GALNT7: variants seen among roughly 807,000 people sequenced by gnomAD.
GALNT7 encodes the protein polypeptide N-acetylgalactosaminyltransferase 7.
A neutral mutation model predicts 82.1 loss-of-function variants in GALNT7; 60 were observed. The observed-to-expected ratio is 0.73, with a 90% CI of 0.59 to 0.91. The LOEUF (loss-of-function observed/expected upper bound fraction) is 0.91. Ranked by LOEUF, GALNT7 falls within the 40% of genes least tolerant of loss-of-function variation. GALNT7 has a pLI of 0.00. For missense variants in GALNT7, 660 were observed against 804.2 expected, an observed-to-expected ratio of 0.82 and a Z score of 2.17; for synonymous variants, 243 against 275.1, an observed-to-expected ratio of 0.88 and a Z score of 1.15.
chr4:173,285,314 G>T (rs1346407489), intron 2 of GALNT7, among the ~76,000 whole-genome samples: 1 of 152,204 alleles, frequency 6.6e-6, no homozygotes. Context: ...CTGGTAAGTT[G>T]TTTTAATTAT....
Position 173,203,456 on chromosome 4 carries a change from A to C in GALNT7, c.126+34495A>C, listed in dbSNP as rs182345140. ...TGAGTGGAGAATTTAATCCATTTAC[A>C]TTCAAAGTAATTATTGACAGGTAAG... On this transcript the variant is annotated intron_variant, in intron 1 of 11. Coordinates refer to ENST00000265000, the MANE Select transcript of GALNT7 (RefSeq NM_017423.3). 5.6e-4 allele frequency among the ~76,000 whole-genome samples: 85 copies of C among 152,312 alleles called. 1 individual carries two copies. The highest frequency in any genetic ancestry group is 1.6e-3 in the African/African-American group (67 of 41,560).
rs200428984 is a variant in GALNT7 at position 173,232,271 on chromosome 4, TA to T, written c.127-15697del. ...CTGGTTAGGGAGACTTTCAGTCTCT[TA>T]AAAAAAAAAAATCCCTGACATATAC... On this transcript the variant is annotated intron_variant, in intron 1 of 11. Coordinates refer to ENST00000265000, the MANE Select transcript of GALNT7 (RefSeq NM_017423.3). Among the ~76,000 whole-genome samples the T allele has an allele frequency of 1.6e-3, 239 of 145,962 alleles. 3 individuals carry two copies. The highest frequency in any genetic ancestry group is 0.012 in the East Asian group (63 of 5,062).
intron 1 of GALNT7, among the ~76,000 whole-genome samples, chr4:173,233,955 G>A (rs540655660): frequency 2.6e-5 from 4 of 151,978 alleles, no homozygotes; most frequent in South Asian, 2.1e-4. Flanking sequence ...TGTTTGTATC[G>A]TTTCCACATC....
chr4:173,172,048 G>A (rs150582851), intron 1 of GALNT7, among the ~76,000 whole-genome samples: 7 of 152,350 alleles, frequency 4.6e-5, no homozygotes, highest in African/African-American at 1.7e-4. Context: ...GGCAGAGTGA[G>A]AGACCGAGGC....
intron 8 of GALNT7, among the ~76,000 whole-genome samples, chr4:173,307,442 C>T (rs188582654): frequency 1.3e-3 from 195 of 152,334 alleles, no homozygotes; most frequent in South Asian, 7.0e-3. Context: ...AGAGTTAATC[C>T]AGCTCTAGGG....
chr4:173,257,368 G>C (rs1277571482), intron 2 of GALNT7, among the ~76,000 whole-genome samples: 2 of 152,088 alleles, frequency 1.3e-5, no homozygotes, highest in Non-Finnish European at 2.9e-5. Context: ...CTTCTTGAAT[G>C]CACTTATAAA....
At chr4:173,176,417 CCCATTAG>C (rs1305511677) in intron 1 of GALNT7, among the ~76,000 whole-genome samples, 1 of 152,270 alleles carries the variant, frequency 6.6e-6, no homozygotes, top group East Asian at 1.9e-4. Context: ...ACATTTGCTG[CCCATTAG>C]CCATTATTAT....
At chr4:173,261,765 A>G (rs905844301) in intron 2 of GALNT7, among the ~76,000 whole-genome samples, 1 of 152,142 alleles carries the variant, frequency 6.6e-6, no homozygotes, top group Admixed American at 6.5e-5. Context: ...GCTGCAGTGA[A>G]CTGAGACTGT....
intron 1 of GALNT7, among the ~76,000 whole-genome samples, chr4:173,170,038 C>G (rs1180967955): frequency 6.6e-6 from 1 of 152,094 alleles, no homozygotes; most frequent in African/African-American, 2.4e-5. Flanking sequence ...TTACCCGGAG[C>G]CGCGCCGCGC....
At chr4:173,234,978 G>A (rs1259432864) in intron 1 of GALNT7, among the ~76,000 whole-genome samples, 1 of 152,196 alleles carries the variant, frequency 6.6e-6, no homozygotes, top group East Asian at 1.9e-4. Context: ...ACAGCCTGCA[G>A]AACTGTGAGC....
chr4:173,297,844 T>C, intron 5 of GALNT7: 1 of 1,484,460 alleles, frequency 6.7e-7, no homozygotes, highest in South Asian at 1.3e-5. Flanking sequence ...GAATGATTAT[T>C]CCATTGAACC....
chr4:173,291,514 A>G (rs1256478785), intron 2 of GALNT7, among the ~76,000 whole-genome samples: 1 of 152,220 alleles, frequency 6.6e-6, no homozygotes, highest in African/African-American at 2.4e-5. Flanking sequence ...CTCCTGCTAC[A>G]GTTGTTTCAA....
At chr4:173,277,678 G>C (rs989926093) in intron 2 of GALNT7, among the ~76,000 whole-genome samples, 2 of 152,204 alleles carry the variant, frequency 1.3e-5, no homozygotes, top group African/African-American at 4.8e-5. Context: ...TGTATTCCAA[G>C]TGTTGTCTGC....
intron 2 of GALNT7, among the ~76,000 whole-genome samples, chr4:173,270,148 G>T (rs1033126352): frequency 2.6e-5 from 4 of 152,206 alleles, no homozygotes; most frequent in African/African-American, 9.7e-5. Context: ...TGAAGATATG[G>T]ATGATTTCAT....
At chr4:173,233,920 T>G (rs1433758357) in intron 1 of GALNT7, among the ~76,000 whole-genome samples, 2 of 152,172 alleles carry the variant, frequency 1.3e-5, no homozygotes, top group Admixed American at 1.3e-4. Context: ...GCAAATCAAA[T>G]TTTTCAAAAA....
At chr4:173,223,137 A>C (rs986733980) in intron 1 of GALNT7, among the ~76,000 whole-genome samples, 3 of 152,208 alleles carry the variant, frequency 2.0e-5, no homozygotes, top group Admixed American at 2.0e-4. Flanking sequence ...GCCCTTCAAA[A>C]GCTGCCTGAT....
chr4:173,287,476 C>T (rs931512872), intron 2 of GALNT7, among the ~76,000 whole-genome samples: 1 of 152,240 alleles, frequency 6.6e-6, no homozygotes, highest in Non-Finnish European at 1.5e-5. Flanking sequence ...GTAGTGCAGA[C>T]TTGAAGATGG....
intron 1 of GALNT7, among the ~76,000 whole-genome samples, chr4:173,216,727 A>ATATATATATATATATATATATATTTTTTT (rs71244915): frequency 7.7e-5 from 1 of 12,980 alleles, no homozygotes; most frequent in Admixed American, 1.3e-3. Context: ...ATATATATAT[A>ATATATATATATATATATATATATTTTTTT]TTTTTTTTTT....
chr4:173,255,065 A>G (rs375921632), intron 2 of GALNT7, among the ~76,000 whole-genome samples: 1 of 152,252 alleles, frequency 6.6e-6, no homozygotes, highest in Non-Finnish European at 1.5e-5. Flanking sequence ...AAATTATTTT[A>G]AAAAACAGGA....
Sources: gnomAD v4.1 joint callset for allele counts (sites outside exome capture counted in the v4.1 genomes callset) on GRCh38, gnomAD v4.1.1 for gene constraint, MANE v1.5 for transcripts, NCBI Gene and HGNC (gene_info 2026-07-23, HGNC 2026-07-21) for gene names.